The following SLC25A48 variants were observed in gnomAD, a reference collection of about 807,000 sequenced individuals.
SLC25A48 encodes CTC-321K16.1.
SLC25A48 carries 29 observed loss-of-function variants against 32.2 expected under a neutral mutation model. That is an observed-to-expected ratio of 0.90 (90% CI 0.67 to 1.23). The LOEUF (loss-of-function observed/expected upper bound fraction) is 1.23. Ranked by LOEUF, SLC25A48 falls within the 50% of genes most tolerant of loss-of-function variation. The pLI, the probability that SLC25A48 is intolerant of heterozygous loss-of-function variation, is 0.00. For missense variants in SLC25A48, 399 were observed against 422.7 expected (o/e 0.94, Z 0.49); for synonymous variants, 164 against 172.3 (o/e 0.95, Z 0.38).
At chr5:135,858,155 A>G (rs972370085) in intron 4 of SLC25A48, among the ~76,000 whole-genome samples, 1 of 152,350 alleles carries the variant, frequency 6.6e-6, no homozygotes, top group Middle Eastern at 3.4e-3. Flanking sequence ...CGAGGCAGCA[A>G]CAGAAAATGA....
In SLC25A48 at chr5:135,827,303, C is replaced by T. The variant is rs1758087108; in HGVS notation, c.-117+14377C>T. On this transcript the variant is annotated intron_variant, in intron 4 of 10. Coordinates refer to the SLC25A48 transcript ENST00000646290. ...CACCTCTGACCACTGGATCCCTGCTCCTCCACCCGATGGCTGCTTGTCTGG... is the reference window on the plus strand; with the variant it reads ...CACCTCTGACCACTGGATCCCTGCTTCTCCACCCGATGGCTGCTTGTCTGG... 2.0e-5 allele frequency: 3 copies of T among 152,420 alleles called. No homozygotes were observed. The South Asian group carries it at 6.2e-4, about 32-fold the overall frequency. The allele number at this position is 152,420 out of a possible 1,614,324, so 9.4% of individuals were successfully genotyped here.
At chr5:135,712,438 A>T (rs1157682233) in intron 3 of SLC25A48, among the ~76,000 whole-genome samples, 2 of 152,164 alleles carry the variant, frequency 1.3e-5, no homozygotes, top group African/African-American at 4.8e-5. Flanking sequence ...CCCTTTCTGC[A>T]GCCTTACAGT....
chr5:135,886,640 A>G (rs1381971202), intron 7 of SLC25A48, among the ~76,000 whole-genome samples: 1 of 17,570 alleles, frequency 5.7e-5, no homozygotes, highest in Non-Finnish European at 9.0e-5. Context: ...TATATATAAA[A>G]TATATATATG....
chr5:135,788,739 C>T (rs1331887726), intron 3 of SLC25A48, among the ~76,000 whole-genome samples: 1 of 151,040 alleles, frequency 6.6e-6, no homozygotes, highest in African/African-American at 2.4e-5. Context: ...AGGTGTACAC[C>T]CCCCTGCCAT....
chr5:135,753,964 G>A (rs894138531), intron 3 of SLC25A48, among the ~76,000 whole-genome samples: 4 of 151,832 alleles, frequency 2.6e-5, no homozygotes, highest in African/African-American at 9.7e-5. Flanking sequence ...GTCATATTTC[G>A]AGGATATTTT....
At chr5:135,756,817 AGAT>A (rs1464011490) in intron 3 of SLC25A48, among the ~76,000 whole-genome samples, 1 of 151,912 alleles carries the variant, frequency 6.6e-6, no homozygotes, top group Non-Finnish European at 1.5e-5. Flanking sequence ...AATATCATCT[AGAT>A]GATATTTATA....
At chr5:135,800,855 G>A (rs1226104099) in intron 3 of SLC25A48, among the ~76,000 whole-genome samples, 3 of 150,518 alleles carry the variant, frequency 2.0e-5, no homozygotes, top group African/African-American at 4.9e-5. Context: ...GATATGGTTC[G>A]TAACATCCAG....
At chr5:135,840,998 G>A (rs776806057) in intron 1 of SLC25A48, among the ~76,000 whole-genome samples, 1 of 152,190 alleles carries the variant, frequency 6.6e-6, no homozygotes, top group Admixed American at 6.5e-5. Context: ...TTGCCAAACT[G>A]TTTCCACCAT....
At chr5:135,654,208 A>G (rs977918082) in intron 3 of SLC25A48, among the ~76,000 whole-genome samples, 13 of 152,190 alleles carry the variant, frequency 8.5e-5, no homozygotes, top group African/African-American at 2.4e-4. Flanking sequence ...TATTACGGCA[A>G]TGGAAAAAAT....
chr5:135,599,515 C>G (rs1237948583), intron 1 of SLC25A48, among the ~76,000 whole-genome samples: 1 of 152,090 alleles, frequency 6.6e-6, no homozygotes, highest in Non-Finnish European at 1.5e-5. Context: ...GCAGGTAGTC[C>G]AGCCCTTTAT....
intron 4 of SLC25A48, among the ~76,000 whole-genome samples, chr5:135,820,931 C>T (rs910191560): frequency 6.6e-6 from 1 of 152,166 alleles, no homozygotes; most frequent in African/African-American, 2.4e-5. Flanking sequence ...CTGGGTCACT[C>T]CTGACTTGGA....
chr5:135,723,378 T>TCACACACACA lies in SLC25A48; in HGVS notation c.-521+88423_-521+88424insACACACACAC, dbSNP rs1444066866. ...CTGTCTCTCACTCTCTCTCTCTCTC[T>TCACACACACA]CTCACACACACACACACACACACAC... On this transcript the variant is annotated intron_variant, in intron 3 of 10. Coordinates refer to the SLC25A48 transcript ENST00000646290. Among the ~76,000 whole-genome samples the TCACACACACA allele has an allele frequency of 4.8e-3, 262 of 54,484 alleles. 1 individual carries two copies. Among genetic ancestry groups the TCACACACACA allele is most frequent in the Middle Eastern group, 0.014 (1 of 72 alleles). The allele number at this position is 54,484 out of a possible 152,430, so 35.7% of individuals were successfully genotyped here. A position where few individuals can be genotyped will look rare whatever the true frequency, so the allele number is the denominator to read the frequency against.
rs996669986 is a variant in SLC25A48 at position 135,834,741 on chromosome 5, G to C, written c.-107G>C. On this transcript the variant is annotated 5_prime_UTR_variant, in exon 1 of 8. Coordinates refer to ENST00000681962, the MANE Select transcript of SLC25A48 (RefSeq NM_001349336.2). ...TTGGAGTAGGACCTGCGGCGTGCTC[G>C]AGACTCCGACTTCGGTCTTGCGGCG... 8.0e-7 allele frequency: 1 copy of C among 1,254,592 alleles called. No individual in the cohort carries two copies. The highest frequency in any genetic ancestry group is 1.1e-6 in the Non-Finnish European group (1 of 915,138). The allele number at this position is 1,254,592 out of a possible 1,614,324, so 77.7% of individuals were successfully genotyped here.
At chr5:135,726,298 C>T (rs1478225872) in intron 3 of SLC25A48, among the ~76,000 whole-genome samples, 1 of 152,226 alleles carries the variant, frequency 6.6e-6, no homozygotes, top group Non-Finnish European at 1.5e-5. Flanking sequence ...AGAAGTAATA[C>T]AGAATCTACG....
At chr5:135,611,261 G>A (rs954157315) in intron 1 of SLC25A48, among the ~76,000 whole-genome samples, 16 of 152,084 alleles carry the variant, frequency 1.1e-4, no homozygotes, top group African/African-American at 3.6e-4. Flanking sequence ...TGTAATCCCA[G>A]CACTTCGGGA....
At chr5:135,641,382 C>T (rs1437673246) in intron 3 of SLC25A48, among the ~76,000 whole-genome samples, 2 of 152,140 alleles carry the variant, frequency 1.3e-5, no homozygotes, top group African/African-American at 4.8e-5. Context: ...TGCAGAAAGT[C>T]TTTTAAGTTT....
At position 135,656,795 on chromosome 5, in the gene SLC25A48, G is replaced by A. The variant is rs546379076; in HGVS notation, c.-521+21839G>A. ...GGTATCCATCTGCAAGCCAAGGAACGCCTGGGACTGCCACTGCCAGCAAAA... is the reference window on the plus strand; with the variant it reads ...GGTATCCATCTGCAAGCCAAGGAACACCTGGGACTGCCACTGCCAGCAAAA... On this transcript the variant is annotated intron_variant, in intron 3 of 10. Transcript: ENST00000646290. Among the ~76,000 whole-genome samples, 12 of 152,258 alleles carry A rather than the reference G, an allele frequency of 7.9e-5. No individual in the cohort carries two copies. In the South Asian group the frequency reaches 1.7e-3, roughly 21 times the overall value.
intron 3 of SLC25A48, among the ~76,000 whole-genome samples, chr5:135,782,269 A>G (rs1756733105): frequency 8.7e-6 from 1 of 114,988 alleles, no homozygotes; most frequent in Non-Finnish European, 2.2e-5. Flanking sequence ...TGCAGAGGGT[A>G]TACACCCCAC....
At chr5:135,855,240 C>T (rs1358733368) in intron 4 of SLC25A48, among the ~76,000 whole-genome samples, 1 of 152,158 alleles carries the variant, frequency 6.6e-6, no homozygotes, top group Non-Finnish European at 1.5e-5. Flanking sequence ...TGCCGATAGC[C>T]TTGCTGGACT....
Sources: gnomAD v4.1 joint callset for allele counts (sites outside exome capture counted in the v4.1 genomes callset) on GRCh38, gnomAD v4.1.1 for gene constraint, MANE v1.5 for transcripts, NCBI Gene and HGNC (gene_info 2026-07-23, HGNC 2026-07-21) for gene names.